The following DNAI4 variants were observed in gnomAD, a reference collection of about 807,000 sequenced individuals.
DNAI4 encodes WD repeat domain 78.
A neutral mutation model predicts 105.8 loss-of-function variants in DNAI4; 85 were observed. That is an observed-to-expected ratio of 0.80 (90% CI 0.67 to 0.96). DNAI4 has a LOEUF of 0.96. Among genes scored for constraint, DNAI4 ranks in the 40% least tolerant of loss-of-function variants. The pLI is 0.00. For missense variants in DNAI4, 1,014 were observed against 1,005.6 expected (o/e 1.01, Z -0.11); for synonymous variants, 352 against 331.5 (o/e 1.06, Z -0.67).
At chr1:66,915,852 G>C (rs1650025452) in intron 1 of DNAI4, among the ~76,000 whole-genome samples, 2 of 152,148 alleles carry the variant, frequency 1.3e-5, no homozygotes, top group South Asian at 4.1e-4. Context: ...GTCAAGCACA[G>C]TGGCTCACGT....
chr1:66,911,861 A>G (rs1328938052), intron 1 of DNAI4, among the ~76,000 whole-genome samples: 7 of 152,016 alleles, frequency 4.6e-5, no homozygotes, highest in Admixed American at 6.5e-5. Context: ...CTTTTCTTTG[A>G]GACAGAGTCT....
intron 7 of DNAI4, among the ~76,000 whole-genome samples, chr1:66,856,870 T>C (rs1294369173): frequency 2.6e-5 from 4 of 151,838 alleles, no homozygotes; most frequent in Non-Finnish European, 4.4e-5. Flanking sequence ...TGAACACATA[T>C]ATTGGAAAAG....
chr1:66,836,216 GAGAGAGAGAGAGAGAGAGAAAGAA>G (rs1557908417), intron 10 of DNAI4, among the ~76,000 whole-genome samples: 72 of 99,538 alleles, frequency 7.2e-4, no homozygotes, highest in African/African-American at 1.8e-3. Flanking sequence ...AAGAGAGAGA[GAGAGAGAGAGAGAGAGAGAAAGAA>G]AGAAAGAGAG....
chr1:66,813,881 T>C lies in DNAI4; in HGVS notation c.*249A>G, dbSNP rs1443486264. 5.4e-6 allele frequency: 2 copies of C among 368,012 alleles called. No individual in the cohort carries two copies. Among genetic ancestry groups the C allele is most frequent in the African/African-American group, 4.2e-5 (2 of 47,612 alleles). 22.8% of individuals were successfully genotyped at this position (368,012 alleles called of 1,614,324 possible). A position where few individuals can be genotyped will look rare whatever the true frequency, so the allele number is the denominator to read the frequency against. Reference sequence around the variant, plus strand: ...CATGTACTCATATGTACTTAGAATATGATCAAGAGAGTAGGAATATCTTTA... The same window carrying C: ...CATGTACTCATATGTACTTAGAATACGATCAAGAGAGTAGGAATATCTTTA... On this transcript the variant is annotated 3_prime_UTR_variant, in exon 17 of 17. Transcript: ENST00000371026.
intron 15 of DNAI4, among the ~76,000 whole-genome samples, chr1:66,824,490 T>G (rs1474055900): frequency 6.6e-6 from 1 of 152,098 alleles, no homozygotes; most frequent in African/African-American, 2.4e-5. Flanking sequence ...ATCTGTAAAT[T>G]ACCTTGGGCA....
chr1:66,852,545 G>T (rs1212447319), intron 7 of DNAI4, among the ~76,000 whole-genome samples: 1 of 151,670 alleles, frequency 6.6e-6, no homozygotes, highest in Non-Finnish European at 1.5e-5. Flanking sequence ...GTTTATTCTA[G>T]GATAAAAGAG....
intron 11 of DNAI4, 60 bp from the exon 12 acceptor site, chr1:66,834,208 G>A: frequency 7.4e-7 from 1 of 1,346,970 alleles, no homozygotes; most frequent in Non-Finnish European, 1.0e-6. Flanking sequence ...TAAAGGCCTT[G>A]GAGTATAAGT....
chr1:66,841,596 T>C (rs1372547154), intron 8 of DNAI4, among the ~76,000 whole-genome samples: 1 of 152,148 alleles, frequency 6.6e-6, no homozygotes, highest in Non-Finnish European at 1.5e-5. Context: ...GGTCTTGAAC[T>C]CCTGGCCTAA....
intron 2 of DNAI4, among the ~76,000 whole-genome samples, chr1:66,902,851 T>C (rs560984498): frequency 3.3e-5 from 5 of 152,368 alleles, no homozygotes; most frequent in Admixed American, 6.5e-5. Context: ...CATTTGACCA[T>C]ATATGTGAAA....
intron 3 of DNAI4, among the ~76,000 whole-genome samples, chr1:66,892,110 A>G (rs1647706142): frequency 6.6e-6 from 1 of 152,230 alleles, no homozygotes; most frequent in Admixed American, 6.5e-5. Flanking sequence ...ATCCAAAAAT[A>G]ATTTCCTTAA....
chr1:66,865,160 C>A (rs12024247), intron 6 of DNAI4, among the ~76,000 whole-genome samples: 1 of 151,974 alleles, frequency 6.6e-6, no homozygotes, highest in Non-Finnish European at 1.5e-5. Context: ...TGATGGCTCA[C>A]GCCTGTAATC....
Position 66,862,983 on chromosome 1 carries a change from T to C in DNAI4, c.941-681A>G, listed in dbSNP as rs551750793. Among the ~76,000 whole-genome samples the C allele has an allele frequency of 2.2e-4, 33 of 152,358 alleles. No individual in the cohort carries two copies. The East Asian group carries it at 4.6e-3, about 21-fold the overall frequency. On this transcript the variant is annotated intron_variant, in intron 6 of 16. Transcript: ENST00000371026. ...AGTAAAATTTCCTATACACTTATTA[T>C]GTGAAAAGATTGCCCCTGCTGGGAA...
chr1:66,849,390 A>G (rs140874721), intron 7 of DNAI4, among the ~76,000 whole-genome samples: 34 of 152,336 alleles, frequency 2.2e-4, no homozygotes, highest in African/African-American at 7.7e-4. Context: ...CCTGGAAATA[A>G]TCAGGCAGTG....
chr1:66,878,608 C>T (rs1324862444), intron 4 of DNAI4, among the ~76,000 whole-genome samples: 1 of 152,154 alleles, frequency 6.6e-6, no homozygotes, highest in Non-Finnish European at 1.5e-5. Flanking sequence ...ATCTATACAT[C>T]TATGTTCATC....
chr1:66,827,797 T>C lies in DNAI4; in HGVS notation c.2112+15A>G, dbSNP rs1034053585. 5 of 1,439,450 alleles carry C rather than the reference T, an allele frequency of 3.5e-6. No individual in the cohort carries two copies. The highest frequency in any genetic ancestry group is 4.8e-6 in the Non-Finnish European group (5 of 1,051,754). The allele number at this position is 1,439,450 out of a possible 1,614,324, so 89.2% of individuals were successfully genotyped here. On this transcript the variant is annotated intron_variant, in intron 14 of 16. Coordinates refer to ENST00000371026, the MANE Select transcript of DNAI4 (RefSeq NM_024763.5). The stretch of plus-strand genomic sequence containing the variant: ...ATACAAAATAAATGTTCCAACCTAC[T>C]ATAATTAAACTAACCTTATGTCCTC...
intron 15 of DNAI4, among the ~76,000 whole-genome samples, chr1:66,825,180 T>C (rs1645724100): frequency 6.9e-6 from 1 of 144,566 alleles, no homozygotes; most frequent in Admixed American, 6.9e-5. Flanking sequence ...TTTTTTTTTT[T>C]TTTTTTTTTT....
chr1:66,817,194 T>A (rs369656139), intron 16 of DNAI4, among the ~76,000 whole-genome samples: 2 of 152,214 alleles, frequency 1.3e-5, no homozygotes, highest in South Asian at 4.1e-4. Flanking sequence ...TTTGTCAGTA[T>A]ACAAACAAGG....
chr1:66,878,073 T>C (rs1639465707), intron 4 of DNAI4, among the ~76,000 whole-genome samples: 1 of 152,188 alleles, frequency 6.6e-6, no homozygotes, highest in Non-Finnish European at 1.5e-5. Flanking sequence ...ACTTGTAGAA[T>C]GGGAAGTTAA....
chr1:66,910,360 C>G (rs1649566244), intron 1 of DNAI4, among the ~76,000 whole-genome samples: 1 of 152,206 alleles, frequency 6.6e-6, no homozygotes, highest in Admixed American at 6.5e-5. Context: ...TACAGCTAGG[C>G]CTCTGATTTC....
Sources: allele counts gnomAD v4.1 joint callset (sites outside exome capture counted in the v4.1 genomes callset), GRCh38; gene constraint gnomAD v4.1.1; transcripts MANE v1.5; gene names NCBI Gene and HGNC (gene_info 2026-07-23, HGNC 2026-07-21).